The following ASTN1 variants were observed in gnomAD, a reference collection of about 807,000 sequenced individuals.
ASTN1 encodes astrotactin 1.
Under a neutral mutation model 140.7 loss-of-function variants are expected in ASTN1, and 41 were observed. The ratio of observed to expected loss-of-function variants is 0.29; its 90% CI spans 0.23 to 0.38. ASTN1 has a LOEUF of 0.38. ASTN1 is among the 10% of genes least tolerant of loss of function. ASTN1 has a pLI of 1.00. For missense variants in ASTN1, 1,479 were observed against 1,678.8 expected (o/e 0.88, Z 2.08); for synonymous variants, 640 against 652.2 (o/e 0.98, Z 0.29).
chr1:177,127,093 T>TA (rs1442454629), intron 1 of ASTN1, among the ~76,000 whole-genome samples: 1 of 152,130 alleles, frequency 6.6e-6, no homozygotes, highest in Non-Finnish European at 1.5e-5. Context: ...AGACAAATCT[T>TA]ATGCAGGTAG....
Position 176,861,156 on chromosome 1 carries a change from C to T in ASTN1, c.*3128G>A. The T allele has an allele frequency of 1.0e-6, 1 of 953,918 alleles. No individual in the cohort carries two copies. The highest frequency in any genetic ancestry group is 1.2e-6 in the Non-Finnish European group (1 of 801,186). 59.1% of individuals were successfully genotyped at this position (953,918 alleles called of 1,614,324 possible). A position where few individuals can be genotyped will look rare whatever the true frequency, so the allele number is the denominator to read the frequency against. ...TTCTCTTTTAAACAACACTGTTATA[C>T]CTGAAGATGGTCATATTATATTCTT... is the stretch of plus-strand genomic sequence containing the variant. On this transcript the variant is annotated 3_prime_UTR_variant, in exon 23 of 23. Coordinates refer to ENST00000361833, the MANE Select transcript of ASTN1 (RefSeq NM_004319.3).
intron 1 of ASTN1, among the ~76,000 whole-genome samples, chr1:177,097,623 A>ATGC (rs1343372180): frequency 3.9e-5 from 6 of 152,154 alleles, no homozygotes; most frequent in African/African-American, 1.4e-4. Flanking sequence ...TAAGAGGAGG[A>ATGC]ACATCTTTTG....
rs550682065 is a variant in ASTN1, at chr1:176,934,228, C to T, written c.2595G>A (p.Glu865=). 2 of 1,614,068 alleles carry T rather than the reference C, an allele frequency of 1.2e-6. No individual in the cohort carries two copies. The highest frequency in any genetic ancestry group is 2.2e-5 in the East Asian group (1 of 44,874). The change falls in exon 16 of 23, where the codon GAG becomes GAA. Residue 865 remains glutamate (E), a synonymous_variant. Coordinates refer to ENST00000361833, the MANE Select transcript of ASTN1 (RefSeq NM_004319.3). ...TTGGGTACCAGATAGAACAGGACTC[C>T]TCAAAGCCGTAGATAGCTTCCTGGA... ...HYIQEAIYGF[E]ESCSIWYPNK...
At chr1:177,098,974 A>C (rs1471918074) in intron 1 of ASTN1, among the ~76,000 whole-genome samples, 1 of 152,158 alleles carries the variant, frequency 6.6e-6, no homozygotes, top group Non-Finnish European at 1.5e-5. Flanking sequence ...AGCAAATCAA[A>C]ACTACTCTCA....
intron 1 of ASTN1, among the ~76,000 whole-genome samples, chr1:177,102,077 A>G (rs1680329822): frequency 6.6e-6 from 1 of 152,202 alleles, no homozygotes; most frequent in Non-Finnish European, 1.5e-5. Context: ...CACTAATTAC[A>G]AAGAGAAATC....
At chr1:176,984,901 T>G (rs1673812096) in intron 8 of ASTN1, among the ~76,000 whole-genome samples, 1 of 152,200 alleles carries the variant, frequency 6.6e-6, no homozygotes, top group South Asian at 2.1e-4. Flanking sequence ...CAGTTGTCAC[T>G]GAACTGCCTG....
intron 1 of ASTN1, among the ~76,000 whole-genome samples, chr1:177,119,461 AGCCCT>A (rs1681267088): frequency 1.3e-5 from 2 of 152,152 alleles, no homozygotes; most frequent in Admixed American, 6.5e-5. Context: ...GGGCTGTCAC[AGCCCT>A]GCAGGCTGCA....
intron 1 of ASTN1, among the ~76,000 whole-genome samples, chr1:177,094,867 C>G (rs147906367): frequency 1.3e-5 from 2 of 152,200 alleles, no homozygotes; most frequent in East Asian, 3.9e-4. Flanking sequence ...GTACAGAAAG[C>G]CTTCATCTTC....
chr1:177,084,000 T>C (rs1215487068), intron 1 of ASTN1, among the ~76,000 whole-genome samples: 1 of 152,198 alleles, frequency 6.6e-6, no homozygotes, highest in African/African-American at 2.4e-5. Context: ...TTGCTGTCAT[T>C]TAAGCCTGTT....
At chr1:177,100,650 A>G (rs1680257105) in intron 1 of ASTN1, among the ~76,000 whole-genome samples, 1 of 152,136 alleles carries the variant, frequency 6.6e-6, no homozygotes, top group Non-Finnish European at 1.5e-5. Context: ...TTGTGATGGA[A>G]CTCAGATATT....
intron 9 of ASTN1, among the ~76,000 whole-genome samples, chr1:176,959,266 G>A (rs919449222): frequency 1.3e-5 from 2 of 152,140 alleles, no homozygotes; most frequent in Non-Finnish European, 2.9e-5. Context: ...ATAGTCTGTG[G>A]GATGAAAGCC....
At chr1:176,867,724 G>T (rs966388905) in intron 22 of ASTN1, among the ~76,000 whole-genome samples, 2 of 152,136 alleles carry the variant, frequency 1.3e-5, no homozygotes, top group Admixed American at 6.5e-5. Flanking sequence ...AAAATAGAAT[G>T]TCCTCAATGA....
intron 8 of ASTN1, among the ~76,000 whole-genome samples, chr1:176,992,127 T>C (rs561824842): frequency 6.6e-6 from 1 of 152,290 alleles, no homozygotes; most frequent in African/African-American, 2.4e-5. Flanking sequence ...TATCTCACAG[T>C]GCCCCTGTAA....
intron 19 of ASTN1, 128 bp from the exon 20 acceptor site, chr1:176,883,122 G>A: frequency 7.5e-7 from 1 of 1,332,952 alleles, no homozygotes; most frequent in Non-Finnish European, 1.0e-6. Context: ...AGTAGAGAAG[G>A]AGACTTAGAA....
intron 22 of ASTN1, among the ~76,000 whole-genome samples, chr1:176,864,965 A>G (rs1194600899): frequency 6.6e-6 from 1 of 152,210 alleles, no homozygotes; most frequent in Non-Finnish European, 1.5e-5. Context: ...TGTTGAACTG[A>G]AAAGGATATT....
chr1:176,968,895 T>G (rs1571582960), intron 8 of ASTN1, among the ~76,000 whole-genome samples: 1 of 151,708 alleles, frequency 6.6e-6, no homozygotes, highest in Non-Finnish European at 1.5e-5. Flanking sequence ...TGGCTGGTGG[T>G]AGAGTTGCCA....
Position 177,032,660 on chromosome 1 carries a change from G to A in ASTN1, c.661C>T (p.Arg221Cys). The change falls in exon 3 of 23, where the codon CGC becomes TGC. Residue 221 changes from arginine (R) to cysteine (C), a missense_variant. This residue lies in a region of ASTN1 where 729 missense variants were observed against 860.4 expected (regional missense o/e 0.85). Coordinates refer to ENST00000361833, the MANE Select transcript of ASTN1 (RefSeq NM_004319.3). ...CCACTGGAGTTGTGGCCCTGCACGC[G>A]GGCATTGCGCAGGCTCTCCCGTCCG... ...GHGRESLRNARVQGHNSSGTL... is the reference protein window; with the variant it reads ...GHGRESLRNACVQGHNSSGTL... 3 of 1,614,156 alleles carry A rather than the reference G, an allele frequency of 1.9e-6. No homozygotes were observed. Among genetic ancestry groups the A allele is most frequent in the Non-Finnish European group, 1.7e-6 (2 of 1,180,038 alleles).
intron 1 of ASTN1, among the ~76,000 whole-genome samples, chr1:177,155,313 T>A (rs1348573818): frequency 6.6e-6 from 1 of 152,212 alleles, no homozygotes; most frequent in East Asian, 1.9e-4. Context: ...TGTGTGAACA[T>A]TCATTAACTT....
intron 1 of ASTN1, among the ~76,000 whole-genome samples, chr1:177,125,896 A>G (rs1681620140): frequency 1.3e-5 from 2 of 152,214 alleles, no homozygotes; most frequent in South Asian, 4.1e-4. Flanking sequence ...TATATTAAGT[A>G]ATAATAATAC....
Sources: gnomAD v4.1 joint callset for allele counts (sites outside exome capture counted in the v4.1 genomes callset) on GRCh38, gnomAD v4.1.1 for gene constraint, gnomAD v4.1.1 regional missense constraint, MANE v1.5 for transcripts, NCBI Gene and HGNC (gene_info 2026-07-23, HGNC 2026-07-21) for gene names.